The following GPC5 variants were observed in gnomAD, a reference collection of about 807,000 sequenced individuals.
GPC5 encodes glypican 5.
GPC5 carries 47 observed loss-of-function variants against 53.9 expected under a neutral mutation model. That is an observed-to-expected ratio of 0.87 (90% CI 0.69 to 1.11). The LOEUF (loss-of-function observed/expected upper bound fraction) is 1.11. Ranked by LOEUF, GPC5 falls within the 50% of genes most tolerant of loss-of-function variation. The probability of loss-of-function intolerance (pLI) is 0.00; values close to 1 mark genes in which losing one functional copy is unlikely to be tolerated. For missense variants in GPC5, 748 were observed against 713.1 expected, an observed-to-expected ratio of 1.05 and a Z score of -0.56; for synonymous variants, 286 against 263.3, an observed-to-expected ratio of 1.09 and a Z score of -0.84.
intron 7 of GPC5, among the ~76,000 whole-genome samples, chr13:92,632,251 A>G (rs1232076704): frequency 6.6e-6 from 1 of 152,118 alleles, no homozygotes; most frequent in African/African-American, 2.4e-5. Context: ...CTAATTATAT[A>G]TTTGATGATT....
chr13:92,427,645 G>C (rs1876894170), intron 7 of GPC5, among the ~76,000 whole-genome samples: 1 of 151,982 alleles, frequency 6.6e-6, no homozygotes, highest in Admixed American at 6.6e-5. Flanking sequence ...AGAAACTGTT[G>C]CTGGGTGACA....
intron 7 of GPC5, among the ~76,000 whole-genome samples, chr13:92,278,959 A>G (rs2042894605): frequency 6.6e-6 from 1 of 152,010 alleles, no homozygotes; most frequent in Admixed American, 6.6e-5. Context: ...GGGAAATTTG[A>G]GTCTTAAATC....
intron 6 of GPC5, among the ~76,000 whole-genome samples, chr13:92,057,619 C>A (rs979181604): frequency 6.6e-6 from 1 of 152,096 alleles, no homozygotes; most frequent in African/African-American, 2.4e-5. Flanking sequence ...TATGATACAG[C>A]ATCTCCCTAT....
Position 91,658,082 on chromosome 13 carries a change from A to G in GPC5, c.326-35105A>G, listed in dbSNP as rs540507750. Among the ~76,000 whole-genome samples, 5 of 152,240 alleles carry G rather than the reference A, an allele frequency of 3.3e-5. No individual in the cohort carries two copies. The East Asian group carries it at 9.6e-4, about 29-fold the overall frequency. Reference sequence around the variant, plus strand: ...TCTTTACAAAATATTTTTAACATATAAATACATATTAAAATATATACATAT... The same window carrying G: ...TCTTTACAAAATATTTTTAACATATGAATACATATTAAAATATATACATAT... On this transcript the variant is annotated intron_variant, in intron 2 of 7. Coordinates refer to ENST00000377067, the MANE Select transcript of GPC5 (RefSeq NM_004466.6).
chr13:92,667,027 A>G (rs772530519), intron 7 of GPC5, among the ~76,000 whole-genome samples: 1 of 152,212 alleles, frequency 6.6e-6, no homozygotes, highest in Non-Finnish European at 1.5e-5. Context: ...AACATTATGC[A>G]TAATTTTCAA....
chr13:91,652,913 G>A (rs1273127539), intron 2 of GPC5, among the ~76,000 whole-genome samples: 1 of 152,168 alleles, frequency 6.6e-6, no homozygotes, highest in African/African-American at 2.4e-5. Context: ...CACAATGGTG[G>A]CATTCTGTCT....
At chr13:92,597,617 C>A (rs1883923390) in intron 7 of GPC5, among the ~76,000 whole-genome samples, 1 of 152,036 alleles carries the variant, frequency 6.6e-6, no homozygotes. Flanking sequence ...CTAAGGACTG[C>A]AATTTTTCCA....
At chr13:91,909,829 C>A (rs902348368) in intron 6 of GPC5, among the ~76,000 whole-genome samples, 6 of 152,092 alleles carry the variant, frequency 3.9e-5, no homozygotes, top group African/African-American at 9.7e-5. Context: ...CAAAACACCA[C>A]CCCCCTCCTC....
intron 7 of GPC5, among the ~76,000 whole-genome samples, chr13:92,532,338 A>G (rs1881591731): frequency 6.6e-6 from 1 of 152,222 alleles, no homozygotes; most frequent in African/African-American, 2.4e-5. Context: ...TGATTATTAA[A>G]ATCGTGAAAA....
At chr13:92,859,061 A>G (rs1420739511) in intron 7 of GPC5, among the ~76,000 whole-genome samples, 2 of 152,096 alleles carry the variant, frequency 1.3e-5, no homozygotes, top group African/African-American at 4.8e-5. Context: ...ACAGCAAAGC[A>G]AAACCCCCAT....
intron 7 of GPC5, among the ~76,000 whole-genome samples, chr13:92,274,400 C>T (rs974851532): frequency 1.6e-4 from 25 of 152,260 alleles, no homozygotes; most frequent in Non-Finnish European, 2.5e-4. Flanking sequence ...AGACCAGCAT[C>T]ATCTACCCTC....
intron 6 of GPC5, among the ~76,000 whole-genome samples, chr13:91,963,807 A>G (rs937747304): frequency 2.6e-5 from 4 of 152,194 alleles, no homozygotes; most frequent in Non-Finnish European, 5.9e-5. Flanking sequence ...AGCTCATACC[A>G]CTGCACCTGT....
At chr13:91,714,677 G>A (rs1358693718) in intron 3 of GPC5, among the ~76,000 whole-genome samples, 1 of 152,166 alleles carries the variant, frequency 6.6e-6, no homozygotes, top group Non-Finnish European at 1.5e-5. Flanking sequence ...GGAAGGACAA[G>A]CTGTGAGTCG....
chr13:92,436,279 T>A (rs556177480), intron 7 of GPC5, among the ~76,000 whole-genome samples: 1 of 149,902 alleles, frequency 6.7e-6, no homozygotes, highest in East Asian at 1.9e-4. Flanking sequence ...CACAATCTGG[T>A]ATATGAATGT....
At chr13:92,069,122 C>A (rs2041189793) in intron 6 of GPC5, among the ~76,000 whole-genome samples, 1 of 152,128 alleles carries the variant, frequency 6.6e-6, no homozygotes, top group African/African-American at 2.4e-5. Context: ...GATAAGACTA[C>A]TATTTCCCTA....
intron 7 of GPC5, among the ~76,000 whole-genome samples, chr13:92,437,918 G>A (rs1335445418): frequency 1.3e-5 from 2 of 152,064 alleles, no homozygotes; most frequent in African/African-American, 4.8e-5. Flanking sequence ...TTTTTAAAGT[G>A]TTCACGAATT....
intron 6 of GPC5, among the ~76,000 whole-genome samples, chr13:91,951,657 T>C (rs1489359051): frequency 6.6e-6 from 1 of 152,154 alleles, no homozygotes; most frequent in Non-Finnish European, 1.5e-5. Flanking sequence ...GTCACATTTT[T>C]ACAAATGTTA....
At chr13:92,779,576 T>A (rs547163381) in intron 7 of GPC5, among the ~76,000 whole-genome samples, 1 of 152,282 alleles carries the variant, frequency 6.6e-6, no homozygotes, top group East Asian at 1.9e-4. Context: ...AGGCTTTTCT[T>A]GAACTCCTAG....
At chr13:91,932,670 G>A (rs1204258120) in intron 6 of GPC5, among the ~76,000 whole-genome samples, 1 of 151,864 alleles carries the variant, frequency 6.6e-6, no homozygotes, top group Non-Finnish European at 1.5e-5. Flanking sequence ...ATCACATTCC[G>A]AGGATTGTTG....
Sources: gnomAD v4.1 joint callset for allele counts (sites outside exome capture counted in the v4.1 genomes callset) on GRCh38, gnomAD v4.1.1 for gene constraint, MANE v1.5 for transcripts, NCBI Gene and HGNC (gene_info 2026-07-23, HGNC 2026-07-21) for gene names.